Variants in EYS observed in about 807,000 individuals in gnomAD.
The protein encoded by EYS is protein eyes shut homolog.
EYS carries 250 observed loss-of-function variants against 282.1 expected under a neutral mutation model. That is an observed-to-expected ratio of 0.89 (90% CI 0.80 to 0.98). The LOEUF is 0.98. Among genes scored for constraint, EYS ranks in the 50% least tolerant of loss-of-function variants. The pLI is 0.00. For synonymous variants in EYS, 1,355 were observed against 1,282.9 expected (o/e 1.06, Z -1.20); for missense variants, 4,016 against 3,709.0 (o/e 1.08, Z -2.15).
At chr6:64,574,838 A>G (rs1396840560) in intron 26 of EYS, among the ~76,000 whole-genome samples, 1 of 152,146 alleles carries the variant, frequency 6.6e-6, no homozygotes, top group African/African-American at 2.4e-5. Flanking sequence ...TCAAGTATAC[A>G]CAATGATACT....
At chr6:64,840,283 G>A (rs1027759962) in intron 19 of EYS, among the ~76,000 whole-genome samples, 1 of 151,908 alleles carries the variant, frequency 6.6e-6, no homozygotes, top group Non-Finnish European at 1.5e-5. Context: ...AAGATAACTG[G>A]TGCCTCAATT....
At chr6:65,042,271 T>C (rs1045765424) in intron 13 of EYS, among the ~76,000 whole-genome samples, 4 of 151,636 alleles carry the variant, frequency 2.6e-5, no homozygotes, top group African/African-American at 9.7e-5. Context: ...TTCTTGTAGA[T>C]TGAATAAAGC....
intron 22 of EYS, among the ~76,000 whole-genome samples, chr6:64,674,579 C>G (rs1382067344): frequency 6.6e-6 from 1 of 152,032 alleles, no homozygotes; most frequent in Non-Finnish European, 1.5e-5. Context: ...TTCCTGCTGT[C>G]ATATTTACTA....
intron 22 of EYS, among the ~76,000 whole-genome samples, chr6:64,789,157 G>C (rs923289285): frequency 6.6e-6 from 1 of 152,212 alleles, no homozygotes; most frequent in South Asian, 2.1e-4. Flanking sequence ...ATTTTCAACT[G>C]AAACAAATGT....
At chr6:65,078,206 A>G (rs1774115612) in intron 12 of EYS, among the ~76,000 whole-genome samples, 1 of 152,126 alleles carries the variant, frequency 6.6e-6, no homozygotes, top group South Asian at 2.1e-4. Flanking sequence ...GCCAGCATGC[A>G]CTTTATGTTT....
At chr6:64,549,514 T>C (rs577678700) in intron 26 of EYS, among the ~76,000 whole-genome samples, 44 of 152,322 alleles carry the variant, frequency 2.9e-4, no homozygotes, top group Non-Finnish European at 5.7e-4. Flanking sequence ...ATCAATGATG[T>C]GGCCAATTCT....
rs149584294 is a variant in EYS, at chr6:64,144,940, T to C, written c.6425-62938A>G. Among the ~76,000 whole-genome samples, 700 of 152,330 alleles carry C rather than the reference T, an allele frequency of 4.6e-3. 4 individuals are homozygous for C. Among genetic ancestry groups the C allele is most frequent in the African/African-American group, 0.016 (659 of 41,582 alleles). On this transcript the variant is annotated intron_variant, in intron 31 of 42. Transcript: ENST00000503581. ...TTCTGTGCACATGTTTGTGTATCTC[T>C]AGCTAGCAAGCTAACTATCTCACTC...
At chr6:65,642,471 A>G (rs1325592583) in intron 1 of EYS, among the ~76,000 whole-genome samples, 2 of 152,124 alleles carry the variant, frequency 1.3e-5, no homozygotes, top group African/African-American at 4.8e-5. Context: ...AATACGTTAG[A>G]TTACTGAAGC....
At chr6:64,899,358 T>G (rs574167738) in intron 18 of EYS, among the ~76,000 whole-genome samples, 1 of 152,112 alleles carries the variant, frequency 6.6e-6, no homozygotes, top group African/African-American at 2.4e-5. Context: ...GACTACTGGG[T>G]AAATAACAAA....
intron 12 of EYS, among the ~76,000 whole-genome samples, chr6:65,158,201 G>C (rs1404000858): frequency 6.6e-6 from 1 of 150,624 alleles, no homozygotes; most frequent in African/African-American, 2.4e-5. Flanking sequence ...TGCTTTTGTA[G>C]ACCCCCAATT....
intron 12 of EYS, among the ~76,000 whole-genome samples, chr6:65,171,512 C>A (rs929941483): frequency 1.3e-5 from 2 of 151,432 alleles, no homozygotes; most frequent in African/African-American, 4.8e-5. Context: ...AAATGTAAGA[C>A]CCAAAATGCC....
chr6:64,017,667 A>G (rs1462230777), intron 33 of EYS, among the ~76,000 whole-genome samples: 1 of 152,096 alleles, frequency 6.6e-6, no homozygotes, highest in African/African-American at 2.4e-5. Flanking sequence ...ATTTTTCTTT[A>G]CCTGCTGTCT....
intron 32 of EYS, among the ~76,000 whole-genome samples, chr6:64,074,220 T>A (rs1771686603): frequency 6.6e-6 from 1 of 151,648 alleles, no homozygotes; most frequent in Non-Finnish European, 1.5e-5. Flanking sequence ...CTTAGAACAA[T>A]GAATAATAGT....
chr6:65,330,742 T>C (rs1003018378), intron 11 of EYS: 1 of 956,360 alleles, frequency 1.0e-6, no homozygotes, highest in Non-Finnish European at 1.2e-6. Context: ...AATTGAAAAA[T>C]TTCTCCATCC....
In EYS at chr6:64,789,188, A is replaced by G. The variant is rs939835976; in HGVS notation, c.3443+24190T>C. On this transcript the variant is annotated intron_variant, in intron 22 of 42. Transcript: ENST00000503581. ...AATGTATTTATCTTTCTAAAATACAAAGATGACTGTTATTTTCCTCCTTAC... is the reference window on the plus strand; with the variant it reads ...AATGTATTTATCTTTCTAAAATACAGAGATGACTGTTATTTTCCTCCTTAC... 5.3e-5 allele frequency among the ~76,000 whole-genome samples: 8 copies of G among 152,358 alleles called. No homozygotes were observed. The East Asian group carries it at 1.5e-3, about 29-fold the overall frequency.
chr6:63,728,514 T>C (rs1434775764), intron 41 of EYS, among the ~76,000 whole-genome samples: 1 of 152,202 alleles, frequency 6.6e-6, no homozygotes, highest in African/African-American at 2.4e-5. Context: ...TGCGCAGCCT[T>C]CTCCACTGTC....
At chr6:65,654,978 TAAAAA>T (rs36088825) in intron 1 of EYS, among the ~76,000 whole-genome samples, 1 of 99,910 alleles carries the variant, frequency 1.0e-5, no homozygotes, top group Non-Finnish European at 2.0e-5. Flanking sequence ...GGTCATTCAT[TAAAAA>T]AAAAAAAAAA....
chr6:65,212,390 G>GAT (rs1346325261), intron 12 of EYS, among the ~76,000 whole-genome samples: 1 of 152,014 alleles, frequency 6.6e-6, no homozygotes, highest in East Asian at 1.9e-4. Flanking sequence ...AGATATCTGG[G>GAT]ATCTATACAG....
chr6:63,986,094 A>G (rs905554029), intron 34 of EYS, among the ~76,000 whole-genome samples: 1 of 151,780 alleles, frequency 6.6e-6, no homozygotes, highest in African/African-American at 2.4e-5. Flanking sequence ...AAACAACCCC[A>G]TTTGAAAGTG....
Sources: allele counts gnomAD v4.1 joint callset (sites outside exome capture counted in the v4.1 genomes callset), GRCh38; gene constraint gnomAD v4.1.1; transcripts MANE v1.5; gene names NCBI Gene and HGNC (gene_info 2026-07-23, HGNC 2026-07-21).